Variants in MPP3 observed in about 807,000 individuals in gnomAD.
The protein encoded by MPP3 is MAGUK p55 subfamily member 3.
Under a neutral mutation model 80.7 loss-of-function variants are expected in MPP3, and 48 were observed. The observed-to-expected ratio is 0.59, with a 90% CI of 0.47 to 0.76. The LOEUF (loss-of-function observed/expected upper bound fraction) is 0.76, where lower values mean the gene tolerates loss of function less well. Among genes scored for constraint, MPP3 ranks in the 30% least tolerant of loss-of-function variants. MPP3 has a pLI of 0.00. For synonymous variants in MPP3, 311 were observed against 297.6 expected, an observed-to-expected ratio of 1.04 and a Z score of -0.46; for missense variants, 620 against 763.0, an observed-to-expected ratio of 0.81 and a Z score of 2.21.
At chr17:43,820,603 A>ACACACACACACACAC (rs1264169757) in intron 11 of MPP3, among the ~76,000 whole-genome samples, 55 of 127,570 alleles carry the variant, frequency 4.3e-4, no homozygotes, top group South Asian at 1.4e-3. Flanking sequence ...AAAAAAAAAA[A>ACACACACACACACAC]ATACACACAC....
At chr17:43,827,535 G>A (rs2045770281) in intron 8 of MPP3, among the ~76,000 whole-genome samples, 1 of 152,058 alleles carries the variant, frequency 6.6e-6, no homozygotes, top group Non-Finnish European at 1.5e-5. Flanking sequence ...GATTACAGGT[G>A]TGCACCACCA....
chr17:43,829,830 G>A lies in MPP3; in HGVS notation c.304-39C>T, dbSNP rs756956640. 17 of 1,611,860 alleles carry A rather than the reference G, an allele frequency of 1.1e-5. No individual in the cohort carries two copies. The African/African-American group carries it at 1.1e-4, about 10-fold the overall frequency. ...CAGAGAAAAGGAAGGCTGGCCCGCCGCTCACAGGGTCAGCAGGCCGCAGCT... is the reference window on the plus strand; with the variant it reads ...CAGAGAAAAGGAAGGCTGGCCCGCCACTCACAGGGTCAGCAGGCCGCAGCT... On this transcript the variant is annotated intron_variant, in intron 6 of 19. Coordinates refer to ENST00000398389, the MANE Select transcript of MPP3 (RefSeq NM_001932.6).
At chr17:43,818,412 C>T (rs969564539) in intron 11 of MPP3, among the ~76,000 whole-genome samples, 1 of 152,148 alleles carries the variant, frequency 6.6e-6, no homozygotes, top group African/African-American at 2.4e-5. Flanking sequence ...TCTCCTATGG[C>T]CAATTTCTAA....
intron 19 of MPP3, among the ~76,000 whole-genome samples, chr17:43,802,442 C>G (rs749247289): frequency 6.6e-6 from 1 of 152,194 alleles, no homozygotes; most frequent in Non-Finnish European, 1.5e-5. Flanking sequence ...CAAACACTAG[C>G]ACAGCAAAGT....
intron 8 of MPP3, among the ~76,000 whole-genome samples, chr17:43,827,507 G>A (rs779202468): frequency 1.6e-4 from 24 of 151,876 alleles, no homozygotes; most frequent in Non-Finnish European, 2.8e-4. Context: ...CGCCTGCCTC[G>A]GCCTCTTAAA....
At chr17:43,819,558 A>G (rs1027665783) in intron 11 of MPP3, among the ~76,000 whole-genome samples, 2 of 152,196 alleles carry the variant, frequency 1.3e-5, no homozygotes, top group Non-Finnish European at 2.9e-5. Flanking sequence ...TCACGTTTAT[A>G]TAAACTGTGT....
chr17:43,816,799 TCTGGC>T (rs1446352144), intron 12 of MPP3, 102 bp from the exon 13 acceptor site: 8 of 1,087,984 alleles, frequency 7.4e-6, no homozygotes, highest in South Asian at 1.3e-5. Flanking sequence ...GAGCCCGCCA[TCTGGC>T]CTCTTTCCCT....
intron 7 of MPP3, among the ~76,000 whole-genome samples, chr17:43,829,294 T>C (rs8076351): frequency 0.045 from 6,835 of 152,250 alleles, 493 homozygotes; most frequent in African/African-American, 0.15. Flanking sequence ...AGCCAATCTG[T>C]AAGTGAATGG....
intron 12 of MPP3, 100 bp downstream of exon 12, chr17:43,817,946 A>G (rs2045230500): frequency 4.7e-6 from 4 of 849,554 alleles, no homozygotes; most frequent in Non-Finnish European, 5.1e-6. Flanking sequence ...AAGACCCCTG[A>G]TGCCCCCTCC....
intron 18 of MPP3, 143 bp downstream of exon 18, chr17:43,810,664 T>G: frequency 1.6e-6 from 1 of 643,542 alleles, no homozygotes; most frequent in Non-Finnish European, 2.7e-6. Flanking sequence ...CATTTGATTC[T>G]CAAAGGAAGA....
chr17:43,830,012 G>T lies in MPP3; in HGVS notation c.303+15C>A. ...GACCCAGAGGCATGGCTGGGCAGGG[G>T]CTCTGTGTGACTACCCTCAGGTGCG... is the stretch of plus-strand genomic sequence containing the variant. On this transcript the variant is annotated intron_variant, in intron 6 of 19. Coordinates refer to ENST00000398389, the MANE Select transcript of MPP3 (RefSeq NM_001932.6). The T allele has an allele frequency of 1.9e-6, 3 of 1,605,742 alleles. No individual in the cohort carries two copies. Among genetic ancestry groups the T allele is most frequent in the Non-Finnish European group, 8.5e-7 (1 of 1,176,974 alleles).
intron 11 of MPP3, among the ~76,000 whole-genome samples, chr17:43,819,695 G>A (rs1430513576): frequency 6.6e-6 from 1 of 151,996 alleles, no homozygotes; most frequent in Non-Finnish European, 1.5e-5. Flanking sequence ...CTGCCGCCTA[G>A]GAATGAATGG....
At chr17:43,812,977 G>A (rs1465108638) in intron 16 of MPP3, among the ~76,000 whole-genome samples, 1 of 152,134 alleles carries the variant, frequency 6.6e-6, no homozygotes, top group African/African-American at 2.4e-5. Context: ...GGGCCCAGGG[G>A]CCCAGGGAGA....
chr17:43,822,332 G>A (rs2045498975), intron 10 of MPP3, among the ~76,000 whole-genome samples: 1 of 152,194 alleles, frequency 6.6e-6, no homozygotes, highest in African/African-American at 2.4e-5. Flanking sequence ...TGTGCTAGAT[G>A]CTGTAATGTT....
chr17:43,833,073 C>T (rs966111365), intron 1 of MPP3, 28 bp downstream of exon 1: 15 of 151,986 alleles, frequency 9.9e-5, no homozygotes, highest in African/African-American at 1.4e-4. Context: ...GCCCAGCTCC[C>T]TCGTCCGTTC....
Position 43,831,252 on chromosome 17 carries a change from C to A in MPP3, c.214G>T (p.Ala72Ser), listed in dbSNP as rs375165115. Residue 72 changes from alanine (A) to serine (S), a missense_variant, in exon 5 of 20, where the codon GCT (alanine) becomes TCT (serine). Physicochemically the swap from Ala to Ser is moderately conservative, Grantham distance 99 (BLOSUM62 1). Transcript: ENST00000398389. ...TPVLHSAVAL[A>S]EDVMEELQAA... ...AGAAACCTGGGGCTTACGTCCTCAG[C>A]GAGGGCCACAGCGCTGTGCAGAACT... is the stretch of plus-strand genomic sequence containing the variant. 1.9e-6 allele frequency: 3 copies of A among 1,613,990 alleles called. No individual in the cohort carries two copies. Among genetic ancestry groups the A allele is most frequent in the East Asian group, 4.5e-5 (2 of 44,870 alleles).
chr17:43,831,537 G>A lies in MPP3; in HGVS notation c.144+22C>T, dbSNP rs77331842. 0.011 allele frequency: 17,024 copies of A among 1,557,230 alleles called. 1,343 individuals carry two copies. The Admixed American group carries it at 0.18, about 16-fold the overall frequency. On this transcript the variant is annotated intron_variant, in intron 4 of 19. Transcript: ENST00000398389. ...GAAAGACCTCTAGACACCCTTCCACGCAGGATGACGTGGGACTTCACCTTC... is the reference window on the plus strand; with the variant it reads ...GAAAGACCTCTAGACACCCTTCCACACAGGATGACGTGGGACTTCACCTTC...
intron 1 of MPP3, 72 bp from the exon 2 acceptor site, chr17:43,832,891 G>A (rs2046039630): frequency 6.5e-6 from 1 of 152,896 alleles, no homozygotes; most frequent in Non-Finnish European, 1.5e-5. Context: ...CGGTCCCGGA[G>A]GACGCGGAGC....
chr17:43,804,234 GAA>G (rs2044524636), intron 19 of MPP3, among the ~76,000 whole-genome samples: 1 of 152,084 alleles, frequency 6.6e-6, no homozygotes, highest in African/African-American at 2.4e-5. Flanking sequence ...AATTCATATG[GAA>G]ATGTAAAGGA....
Sources: gnomAD v4.1 joint callset for allele counts (sites outside exome capture counted in the v4.1 genomes callset) on GRCh38, gnomAD v4.1.1 for gene constraint, MANE v1.5 for transcripts, NCBI Gene and HGNC (gene_info 2026-07-23, HGNC 2026-07-21) for gene names.